Variants in IARS2 observed in about 807,000 individuals in gnomAD.
The protein encoded by IARS2 is isoleucine--tRNA ligase, mitochondrial.
IARS2 carries 56 observed loss-of-function variants against 126.3 expected under a neutral mutation model. The observed-to-expected ratio is 0.44, with a 90% CI of 0.36 to 0.55. The LOEUF is 0.55. Ranked by LOEUF, IARS2 falls within the 20% of genes least tolerant of loss-of-function variation. IARS2 has a pLI of 0.00. For synonymous variants in IARS2, 407 were observed against 441.1 expected (o/e 0.92, Z 0.97); for missense variants, 1,127 against 1,245.9 (o/e 0.90, Z 1.44).
chr1:220,094,150 T>G lies in IARS2; in HGVS notation c.-67T>G, dbSNP rs998615437. 30 of 1,437,578 alleles carry G rather than the reference T, an allele frequency of 2.1e-5. No homozygotes were observed. Among genetic ancestry groups the G allele is most frequent in the Non-Finnish European group, 2.7e-5 (30 of 1,096,024 alleles). 89.1% of individuals were successfully genotyped at this position (1,437,578 alleles called of 1,614,324 possible). A position where few individuals can be genotyped will look rare whatever the true frequency, so the allele number is the denominator to read the frequency against. On this transcript the variant is annotated 5_prime_UTR_variant, in exon 1 of 23. Transcript: ENST00000366922. ...CCCTCTTACTCGGCTCCCCTTGGTT[T>G]CCTGGGGTCCTGCCCCTTCAAGCTG...
intron 2 of IARS2, 47 bp downstream of exon 2, chr1:220,096,273 A>C: frequency 8.1e-7 from 1 of 1,231,260 alleles, no homozygotes; most frequent in Non-Finnish European, 1.1e-6. Context: ...TGTTTATGTA[A>C]ATACTCTTTA....
In IARS2 at chr1:220,110,877, G is replaced by C; in HGVS notation, c.1419G>C (p.Val473=). 6.2e-7 allele frequency: 1 copy of C among 1,613,864 alleles called. No homozygotes were observed. Among genetic ancestry groups the C allele is most frequent in the Non-Finnish European group, 8.5e-7 (1 of 1,179,928 alleles). ...YPYDWRTKKP[V]VIRASKQWFI... ...ATGACTGGAGGACCAAGAAACCTGTGGTTATTCGTGCCAGCAAGCAGTGGT... is the reference window on the plus strand; with the variant it reads ...ATGACTGGAGGACCAAGAAACCTGTCGTTATTCGTGCCAGCAAGCAGTGGT... Residue 473 remains valine (V), a synonymous_variant, in exon 11 of 23, where the codon GTG becomes GTC. Transcript: ENST00000366922.
Position 220,096,122 on chromosome 1 carries a change from CTT to C in IARS2, c.288_289del (p.Tyr97PhefsTer16), listed in dbSNP as rs1185448032. ...AAAACAGAAATGTGGATTTTCAGAA[CTT>C]TATTCATGGCAAAGAGAAAGAAAAG... ...EIQQKCGFSE[L>X]YSWQRERKVK... On this transcript the variant is annotated frameshift_variant, in exon 2 of 23. Coordinates refer to ENST00000366922, the MANE Select transcript of IARS2 (RefSeq NM_018060.4). LOFTEE classifies it high-confidence loss of function. 1.8e-5 allele frequency: 26 copies of C among 1,473,312 alleles called. No individual in the cohort carries two copies. In the Admixed American group the frequency reaches 4.7e-4, roughly 27 times the overall value. The allele number at this position is 1,473,312 out of a possible 1,614,324, so 91.3% of individuals were successfully genotyped here. A position where few individuals can be genotyped will look rare whatever the true frequency, so the allele number is the denominator to read the frequency against.
At chr1:220,114,605 G>A (rs1656877673) in intron 12 of IARS2, 131 bp downstream of exon 12, 14 of 629,592 alleles carry the variant, frequency 2.2e-5, no homozygotes, top group South Asian at 9.6e-5. Context: ...GTCTTTTGGG[G>A]GACTAAAATA....
rs775701573 is a variant in IARS2, at chr1:220,147,544, C to T, written c.2948C>T (p.Thr983Met). 58 of 1,613,912 alleles carry T rather than the reference C, an allele frequency of 3.6e-5. No individual in the cohort carries two copies. Among genetic ancestry groups the T allele is most frequent in the Admixed American group, 3.2e-4 (19 of 59,994 alleles). The change falls in exon 23 of 23, where the codon ACG (threonine) becomes ATG (methionine). Residue 983 changes from threonine (T) to methionine (M), a missense_variant. Coordinates refer to ENST00000366922, the MANE Select transcript of IARS2 (RefSeq NM_018060.4). ...TATAAAGTAATTGTCATGCCGACTA[C>T]GAAAGAAAAATGCCCCCGTTGTTGG... ...SSYKVIVMPT[T>M]KEKCPRCWKY...
At chr1:220,144,176 C>T in intron 21 of IARS2, 1 of 792,596 alleles carries the variant, frequency 1.3e-6, no homozygotes. Context: ...ACAATTTTCC[C>T]AGCTCTGTGA....
chr1:220,106,600 A>T (rs553618687), intron 9 of IARS2, among the ~76,000 whole-genome samples: 61 of 151,396 alleles, frequency 4.0e-4, no homozygotes, highest in Non-Finnish European at 8.1e-4. Flanking sequence ...TATAAAATTC[A>T]CAAATTCCTA....
chr1:220,113,859 G>C lies in IARS2; in HGVS notation c.1480-455G>C, dbSNP rs550431269. 2.0e-5 allele frequency among the ~76,000 whole-genome samples: 3 copies of C among 152,110 alleles called. No individual in the cohort carries two copies. The South Asian group carries it at 6.2e-4, about 32-fold the overall frequency. ...TTGTAAACTATATTATGTAAAATTA[G>C]GTATATCGCAATCTTTTTTTGGCAG... On this transcript the variant is annotated intron_variant, in intron 11 of 22. Transcript: ENST00000366922.
chr1:220,110,768 G>A lies in IARS2; in HGVS notation c.1328-18G>A, dbSNP rs551635063. 3 of 1,518,592 alleles carry A rather than the reference G, an allele frequency of 2.0e-6. No individual in the cohort carries two copies. Among genetic ancestry groups the A allele is most frequent in the Non-Finnish European group, 2.7e-6 (3 of 1,111,154 alleles). The allele number at this position is 1,518,592 out of a possible 1,614,324, so 94.1% of individuals were successfully genotyped here. A position where few individuals can be genotyped will look rare whatever the true frequency, so the allele number is the denominator to read the frequency against. On this transcript the variant is annotated intron_variant, in intron 10 of 22. Transcript: ENST00000366922. ...GTACTTTTTAATTATGTCTAATTTG[G>A]TGTTTTTTTTTTTAAAGTTATAAAG...
chr1:220,097,385 A>G (rs999184017), intron 2 of IARS2, among the ~76,000 whole-genome samples: 4 of 135,190 alleles, frequency 3.0e-5, no homozygotes, highest in Non-Finnish European at 6.1e-5. Flanking sequence ...TTTTTTTGAG[A>G]CAGAGTCTTG....
chr1:220,134,768 G>GTTGT, intron 15 of IARS2: 1 of 151,060 alleles, frequency 6.6e-6, no homozygotes, highest in Non-Finnish European at 1.4e-5. Context: ...TGTTGTTGTT[G>GTTGT]TTTTTTTTTT....
chr1:220,097,655 G>T (rs563255113), intron 2 of IARS2, among the ~76,000 whole-genome samples: 1 of 151,540 alleles, frequency 6.6e-6, no homozygotes, highest in South Asian at 2.1e-4. Context: ...GAGCCACCAC[G>T]TCTGGCCCCC....
At chr1:220,144,177 A>T in intron 21 of IARS2, 1 of 791,500 alleles carries the variant, frequency 1.3e-6, no homozygotes, top group Non-Finnish European at 2.3e-6. Flanking sequence ...CAATTTTCCC[A>T]GCTCTGTGAC....
chr1:220,094,200 T>C lies in IARS2; in HGVS notation c.-17T>C, dbSNP rs760171886. 8.4e-6 allele frequency: 13 copies of C among 1,544,694 alleles called. No individual in the cohort carries two copies. The African/African-American group carries it at 1.1e-4, about 13-fold the overall frequency. ...GGGGCGGGAGCGGAGGACCCCGCTC[T>C]CAGGGGTTGCCGGACCATGCGTTGG... On this transcript the variant is annotated 5_prime_UTR_variant, in exon 1 of 23. Coordinates refer to ENST00000366922, the MANE Select transcript of IARS2 (RefSeq NM_018060.4).
At chr1:220,102,003 T>G (rs1335583535) in intron 3 of IARS2, 126 bp from the exon 4 acceptor site, 1 of 824,358 alleles carries the variant, frequency 1.2e-6, no homozygotes, top group Non-Finnish European at 1.9e-6. Flanking sequence ...AGCGAGACTG[T>G]GTCTCAAAAA....
chr1:220,138,082 T>C (rs775752955), intron 17 of IARS2, 39 bp downstream of exon 17: 1 of 1,594,880 alleles, frequency 6.3e-7, no homozygotes, highest in Non-Finnish European at 8.6e-7. Flanking sequence ...AAGGACAAGT[T>C]TGTCAAATCA....
intron 12 of IARS2, among the ~76,000 whole-genome samples, chr1:220,115,332 G>C (rs1283316208): frequency 6.6e-5 from 10 of 152,302 alleles, no homozygotes; most frequent in Admixed American, 5.9e-4. Flanking sequence ...GGAGGCCGAG[G>C]CTGGTGTATC....
At chr1:220,118,458 G>A (rs1229246774) in intron 12 of IARS2, among the ~76,000 whole-genome samples, 1 of 151,948 alleles carries the variant, frequency 6.6e-6, no homozygotes, top group Non-Finnish European at 1.5e-5. Flanking sequence ...TTCCATTTCT[G>A]ACTTTACTGT....
At position 220,147,601 on chromosome 1, in the gene IARS2, G is replaced by A. The variant is rs748040589; in HGVS notation, c.3005G>A (p.Cys1002Tyr). Residue 1002 changes from cysteine to tyrosine, a missense_variant, in exon 23 of 23, where the codon TGT becomes TAT. By Grantham distance (194) the Cys-to-Tyr change is radical. Transcript: ENST00000366922. ...KYTAESSDTL[C>Y]PRCAEVVSGK ...ACAGCGGAGTCTTCAGATACACTGT[G>A]TCCTCGATGTGCAGAAGTTGTCAGT... The A allele has an allele frequency of 1.2e-6, 2 of 1,614,100 alleles. No homozygotes were observed. The highest frequency in any genetic ancestry group is 1.7e-6 in the Non-Finnish European group (2 of 1,180,000).
Sources: allele counts gnomAD v4.1 joint callset (sites outside exome capture counted in the v4.1 genomes callset), GRCh38; gene constraint gnomAD v4.1.1; transcripts MANE v1.5; gene names NCBI Gene and HGNC (gene_info 2026-07-23, HGNC 2026-07-21).